KIAA1586: variants seen among roughly 807,000 people sequenced by gnomAD.
KIAA1586 encodes E3 SUMO-protein ligase KIAA1586.
Under a neutral mutation model 6.1 loss-of-function variants are expected in KIAA1586, and 5 were observed. That is an observed-to-expected ratio of 0.82 (90% CI 0.43 to 1.73). The LOEUF (loss-of-function observed/expected upper bound fraction) is 1.73. Ranked by LOEUF, KIAA1586 falls within the 40% of genes most tolerant of loss-of-function variation. The pLI, the probability that KIAA1586 is intolerant of heterozygous loss-of-function variation, is 0.02. For synonymous variants in KIAA1586, 280 were observed against 301.7 expected (o/e 0.93, Z 0.75); for missense variants, 899 against 878.2 (o/e 1.02, Z -0.30).
chr6:57,050,336 C>T (rs1828287449), intron 2 of KIAA1586, among the ~76,000 whole-genome samples: 1 of 143,914 alleles, frequency 6.9e-6, no homozygotes, highest in Admixed American at 7.1e-5. Flanking sequence ...TTTTTTTAGA[C>T]AGTGTCTTGC....
At chr6:57,059,813 T>G (rs548486780), downstream of KIAA1586, among the ~76,000 whole-genome samples, 2 of 152,304 alleles carry the variant, frequency 1.3e-5, no homozygotes, top group Admixed American at 1.3e-4. Flanking sequence ...TCTCTCATCA[T>G]ATCTGTTTTG....
Position 57,048,695 on chromosome 6 carries a change from A to G in KIAA1586, c.105+1299A>G, listed in dbSNP as rs897327718. The stretch of plus-strand genomic sequence containing the variant: ...TTTTGGTTTCCTCTTAACTGGTATA[A>G]AAACAGGAATGATTGGGACAGATGA... On this transcript the variant is annotated intron_variant, in intron 2 of 3. Coordinates refer to ENST00000370733, the MANE Select transcript of KIAA1586 (RefSeq NM_020931.4). 3.3e-5 allele frequency among the ~76,000 whole-genome samples: 5 copies of G among 152,182 alleles called. No individual in the cohort carries two copies. The South Asian group carries it at 8.3e-4, about 25-fold the overall frequency.
At chr6:57,058,923 A>G (rs1593053772), downstream of KIAA1586, among the ~76,000 whole-genome samples, 1 of 152,238 alleles carries the variant, frequency 6.6e-6, no homozygotes, top group Non-Finnish European at 1.5e-5. Flanking sequence ...ACTTAGGCAA[A>G]TGTTTTCAAA....
the KIAA1586 span, among the ~76,000 whole-genome samples, chr6:57,065,580 G>T: frequency 6.6e-6 from 1 of 150,616 alleles, no homozygotes; most frequent in African/African-American, 2.4e-5. Flanking sequence ...TCGACCTTCT[G>T]GGCTCAAGCA....
rs2127911892 is a variant in KIAA1586 at position 57,054,345 on chromosome 6, C to T, written c.1846C>T (p.Leu616=). Residue 616 remains leucine, a synonymous_variant, in exon 4 of 4, where the codon CTA becomes TTA. Transcript: ENST00000370733. ...AGACAATATAATTCAGCACATGAAC[C>T]TACGCCTTTTATCTGACAGAAACCA... ...LLDNIIQHMN[L]RLLSDRNHED... is the part of the protein sequence containing the mutation. The T allele has an allele frequency of 6.2e-7, 1 of 1,600,344 alleles. No individual in the cohort carries two copies. Among genetic ancestry groups the T allele is most frequent in the East Asian group, 2.2e-5 (1 of 44,754 alleles).
rs563341605 is a variant in KIAA1586, at chr6:57,053,862, A to C, written c.1363A>C (p.Asn455His). Residue 455 changes from asparagine to histidine, a missense_variant, in exon 4 of 4, where the codon AAT becomes CAT. Asn to His is a moderately conservative substitution (Grantham distance 68). Coordinates refer to ENST00000370733, the MANE Select transcript of KIAA1586 (RefSeq NM_020931.4). ...DKIYSIYHQPNKNQTKLLGTV... is the reference protein window; with the variant it reads ...DKIYSIYHQPHKNQTKLLGTV... Reference sequence around the variant, plus strand: ...AATTTATTCTATTTATCATCAACCTAATAAAAATCAAACCAAGCTTCTAGG... The same window carrying C: ...AATTTATTCTATTTATCATCAACCTCATAAAAATCAAACCAAGCTTCTAGG... 6.4e-7 allele frequency: 1 copy of C among 1,554,152 alleles called. No homozygotes were observed. Among genetic ancestry groups the C allele is most frequent in the South Asian group, 1.2e-5 (1 of 81,536 alleles).
downstream of KIAA1586, among the ~76,000 whole-genome samples, chr6:57,057,875 A>G (rs1593053399): frequency 6.6e-6 from 1 of 152,092 alleles, no homozygotes; most frequent in Admixed American, 6.6e-5. Flanking sequence ...GGCTTACTGC[A>G]ACCTCTGTTT....
chr6:57,052,970 T>C lies in KIAA1586; in HGVS notation c.471T>C (p.Gly157=), dbSNP rs368318052. 1.7e-5 allele frequency: 28 copies of C among 1,613,586 alleles called. No homozygotes were observed. Among genetic ancestry groups the C allele is most frequent in the Admixed American group, 5.0e-5 (3 of 59,952 alleles). ...EQYKWLEIKE[G]KLGCKDCSAV... is the part of the protein sequence containing the mutation. Reference sequence around the variant, plus strand: ...ACAAATGGCTTGAAATAAAAGAAGGTAAATTAGGATGTAAGGATTGTTCAG... The same window carrying C: ...ACAAATGGCTTGAAATAAAAGAAGGCAAATTAGGATGTAAGGATTGTTCAG... The change falls in exon 4 of 4, where the codon GGT becomes GGC. Residue 157 remains glycine, a synonymous_variant. Coordinates refer to ENST00000370733, the MANE Select transcript of KIAA1586 (RefSeq NM_020931.4).
chr6:57,054,144 A>G lies in KIAA1586; in HGVS notation c.1645A>G (p.Asn549Asp), dbSNP rs1008776894. The stretch of plus-strand genomic sequence containing the variant: ...AACTGCATTACAGTCAAGATCAACT[A>G]ATATTAAGAAAGCACAAAAATTGAT... Reference protein sequence around the residue: ...LSTALQSRSTNIKKAQKLIKR... With the variant: ...LSTALQSRSTDIKKAQKLIKR... The change falls in exon 4 of 4, where the codon AAT becomes GAT. Residue 549 changes from asparagine (N) to aspartate (D), a missense_variant. Asn to Asp is a conservative substitution (Grantham distance 23). Transcript: ENST00000370733. 6.9e-6 allele frequency: 11 copies of G among 1,589,544 alleles called. No homozygotes were observed. The South Asian group carries it at 8.0e-5, about 12-fold the overall frequency.
intron 3 of KIAA1586, among the ~76,000 whole-genome samples, chr6:57,051,412 A>G (rs982647714): frequency 6.6e-6 from 1 of 151,680 alleles, no homozygotes; most frequent in African/African-American, 2.4e-5. Context: ...GGTTATTTGC[A>G]TCTATTGGTA....
downstream of KIAA1586, among the ~76,000 whole-genome samples, chr6:57,059,484 G>A (rs576006961): frequency 1.2e-4 from 18 of 151,880 alleles, no homozygotes; most frequent in East Asian, 1.4e-3. Flanking sequence ...CCAGCTACTC[G>A]GGAGGCTGAG....
chr6:57,053,344 T>G lies in KIAA1586; in HGVS notation c.845T>G (p.Leu282Ter). 1.2e-6 allele frequency: 2 copies of G among 1,612,462 alleles called. No homozygotes were observed. Among genetic ancestry groups the G allele is most frequent in the Non-Finnish European group, 1.7e-6 (2 of 1,179,088 alleles). The change falls in exon 4 of 4, where the codon TTA becomes TGA. Residue 282 changes from leucine (L) to a stop codon, truncating the protein, a stop_gained. Coordinates refer to ENST00000370733, the MANE Select transcript of KIAA1586 (RefSeq NM_020931.4). LOFTEE classifies it low-confidence loss of function (END_TRUNC). ...GAAAAAAATGGAGAGGTAAATTGTT[T>G]AAATACACGTTACAGTGCAACAAGA... ...LQEKNGEVNC[L>*]NTRYSATRIA...
rs374302928 is a variant in KIAA1586 at position 57,053,316 on chromosome 6, C to T, written c.817C>T (p.Gln273Ter). 1.4e-5 allele frequency: 22 copies of T among 1,611,748 alleles called. No homozygotes were observed. The East Asian group carries it at 2.7e-4, about 20-fold the overall frequency. ...TGATATTGAGGGGGCAAGAGAATTA[C>T]AGGAAAAAAATGGAGAGGTAAATTG... Reference protein sequence around the residue: ...LSDIEGARELQEKNGEVNCLN... With the variant: ...LSDIEGAREL Residue 273 changes from glutamine (Q) to a stop codon, truncating the protein, a stop_gained, in exon 4 of 4, where the codon CAG becomes TAG. Transcript: ENST00000370733. LOFTEE classifies it low-confidence loss of function (END_TRUNC).
At chr6:57,061,380 T>G in the KIAA1586 span, among the ~76,000 whole-genome samples, 1 of 152,082 alleles carries the variant, frequency 6.6e-6, no homozygotes, top group African/African-American at 2.4e-5. Flanking sequence ...TCTTGAACGG[T>G]TCTAGTTATT....
chr6:57,066,260 C>G, the KIAA1586 span, among the ~76,000 whole-genome samples: 1 of 151,948 alleles, frequency 6.6e-6, no homozygotes, highest in Non-Finnish European at 1.5e-5. Flanking sequence ...GTCTGGGCAA[C>G]AGTGAGACTC....
rs1828424101 is a variant in KIAA1586 at position 57,053,990 on chromosome 6, T to C, written c.1491T>C (p.His497=). 6.2e-7 allele frequency: 1 copy of C among 1,604,040 alleles called. No individual in the cohort carries two copies. The highest frequency in any genetic ancestry group is 2.2e-5 in the East Asian group (1 of 44,792). Reference sequence around the variant, plus strand: ...TACAAGCTGCTACTGCTGTATGGCATGCATATCCTATATTATATATGCATT... The same window carrying C: ...TACAAGCTGCTACTGCTGTATGGCACGCATATCCTATATTATATATGCATT... ...CSLQAATAVW[H]AYPILYMHFS... is the part of the protein sequence containing the mutation. Residue 497 remains histidine (H), a synonymous_variant, in exon 4 of 4, where the codon CAT becomes CAC. Coordinates refer to ENST00000370733, the MANE Select transcript of KIAA1586 (RefSeq NM_020931.4).
downstream of KIAA1586, among the ~76,000 whole-genome samples, chr6:57,059,856 A>G (rs1301995938): frequency 6.6e-6 from 1 of 152,106 alleles, no homozygotes; most frequent in African/African-American, 2.4e-5. Context: ...TTGATGCTCA[A>G]ACTAGAAAGG....
the KIAA1586 span, among the ~76,000 whole-genome samples, chr6:57,062,911 C>A: frequency 6.6e-6 from 1 of 152,036 alleles, no homozygotes; most frequent in Non-Finnish European, 1.5e-5. Flanking sequence ...ATTAGCCGGG[C>A]GTGGCGGCAT....
the KIAA1586 span, among the ~76,000 whole-genome samples, chr6:57,066,543 G>A: frequency 6.6e-6 from 1 of 152,124 alleles, no homozygotes; most frequent in Non-Finnish European, 1.5e-5. Flanking sequence ...TTCTTCACAA[G>A]TTTCCTTGGT....
Sources: gnomAD v4.1 joint callset for allele counts (sites outside exome capture counted in the v4.1 genomes callset) on GRCh38, gnomAD v4.1.1 for gene constraint, MANE v1.5 for transcripts, NCBI Gene and HGNC (gene_info 2026-07-23, HGNC 2026-07-21) for gene names.